FRMPD2: variants seen among roughly 807,000 people sequenced by gnomAD.
FRMPD2 encodes FERM and PDZ domain containing 2, also known as FERM and PDZ domain-containing protein 2.
FRMPD2 carries 96 observed loss-of-function variants against 140.1 expected under a neutral mutation model. That is an observed-to-expected ratio of 0.69 (90% CI 0.58 to 0.81). The LOEUF (loss-of-function observed/expected upper bound fraction) is 0.81. Among genes scored for constraint, FRMPD2 ranks in the 40% least tolerant of loss-of-function variants. The pLI is 0.00. For synonymous variants in FRMPD2, 449 were observed against 547.6 expected, an observed-to-expected ratio of 0.82 and a Z score of 2.52; for missense variants, 1,240 against 1,447.4, an observed-to-expected ratio of 0.86 and a Z score of 2.32.
chr10:48,224,437 T>C (rs1280215560), intron 10 of FRMPD2, among the ~76,000 whole-genome samples: 1 of 152,178 alleles, frequency 6.6e-6, no homozygotes, highest in Non-Finnish European at 1.5e-5. Context: ...CTTCTTCCAA[T>C]GCCTATGCAT....
intron 10 of FRMPD2, among the ~76,000 whole-genome samples, chr10:48,226,912 G>T (rs966103690): frequency 1.3e-5 from 2 of 152,166 alleles, no homozygotes; most frequent in African/African-American, 2.4e-5. Context: ...ATAAAGGATG[G>T]AAGTAGAAGT....
In FRMPD2 at chr10:48,197,591, G is replaced by A. The variant is rs1289279803; in HGVS notation, c.1954+3637C>T. 3.3e-5 allele frequency among the ~76,000 whole-genome samples: 5 copies of A among 152,312 alleles called. No individual in the cohort carries two copies. The East Asian group carries it at 9.6e-4, about 29-fold the overall frequency. Reference sequence around the variant, plus strand: ...ATTCAGATGGTCTGGAGTGGGGACTGAGATTCTGCATCCTTTGCAAGCTCC... The same window carrying A: ...ATTCAGATGGTCTGGAGTGGGGACTAAGATTCTGCATCCTTTGCAAGCTCC... On this transcript the variant is annotated intron_variant, in intron 15 of 28. Coordinates refer to ENST00000374201, the MANE Select transcript of FRMPD2 (RefSeq NM_001018071.4).
At chr10:48,232,047 TCAGGTACC>T in intron 10 of FRMPD2, 60 bp downstream of exon 10, 1 of 1,441,046 alleles carries the variant, frequency 6.9e-7, no homozygotes, top group Non-Finnish European at 9.8e-7. Flanking sequence ...GAAACAGAGC[TCAGGTACC>T]CAGATACCTG....
In FRMPD2 at chr10:48,272,765, C is replaced by T. The variant is rs943385830; in HGVS notation, c.25+1778G>A. Among the ~76,000 whole-genome samples, 8 of 152,282 alleles carry T rather than the reference C, an allele frequency of 5.3e-5. No individual in the cohort carries two copies. The East Asian group carries it at 1.5e-3, about 29-fold the overall frequency. ...CATAGTTGTTACATTGTGAATAACA[C>T]AAAAATTGGGAAAACACTCTTCCAA... On this transcript the variant is annotated intron_variant, in intron 1 of 28. Coordinates refer to ENST00000374201, the MANE Select transcript of FRMPD2 (RefSeq NM_001018071.4).
intron 3 of FRMPD2, among the ~76,000 whole-genome samples, 158 bp from the exon 4 acceptor site, chr10:48,245,007 G>C (rs1370888399): frequency 1.3e-5 from 2 of 152,212 alleles, no homozygotes; most frequent in Middle Eastern, 3.4e-3. Context: ...CTCCTACTCC[G>C]GAGGCTAGAA....
At chr10:48,186,566 C>T (rs1838691259) in intron 17 of FRMPD2, among the ~76,000 whole-genome samples, 1 of 152,186 alleles carries the variant, frequency 6.6e-6, no homozygotes, top group South Asian at 2.1e-4. Context: ...TTTTCTCTTG[C>T]TGCCATCATG....
chr10:48,205,185 C>T (rs367778669), intron 14 of FRMPD2, among the ~76,000 whole-genome samples: 5 of 152,156 alleles, frequency 3.3e-5, no homozygotes, highest in Non-Finnish European at 7.4e-5. Flanking sequence ...CTTCATCTGA[C>T]GACTGTTCCT....
intron 5 of FRMPD2, among the ~76,000 whole-genome samples, chr10:48,240,737 T>C (rs1840087457): frequency 6.6e-6 from 1 of 152,104 alleles, no homozygotes; most frequent in African/African-American, 2.4e-5. Context: ...GCTCATGCAT[T>C]CCCTCCATGG....
intron 11 of FRMPD2, 132 bp from the exon 12 acceptor site, chr10:48,222,583 G>T: frequency 1.1e-6 from 1 of 908,458 alleles, no homozygotes; most frequent in Non-Finnish European, 1.7e-6. Context: ...GAATTCAGAG[G>T]CAATGCCAGC....
intron 1 of FRMPD2, among the ~76,000 whole-genome samples, chr10:48,273,881 G>C (rs1840810830): frequency 1.4e-5 from 2 of 147,904 alleles, no homozygotes; most frequent in Admixed American, 7.0e-5. Context: ...CTCAATTGTT[G>C]CTTTAAAAAA....
In FRMPD2 at chr10:48,192,813, A is replaced by G; in HGVS notation, c.2036T>C (p.Leu679Ser). 6.2e-7 allele frequency: 1 copy of G among 1,614,122 alleles called. No homozygotes were observed. The highest frequency in any genetic ancestry group is 8.5e-7 in the Non-Finnish European group (1 of 1,180,010). ...RSKPLIWIQR[L>S]SCSENELFVS... ...AAACAACTCGTTTTCTGAGCATGAC[A>G]ATCTCTGAATCCAAATGAGAGGCTT... is the stretch of plus-strand genomic sequence containing the variant. The change falls in exon 16 of 29, where the codon TTG becomes TCG. Residue 679 changes from leucine to serine, a missense_variant. Around this residue, in one of 6 missense-constraint regions of FRMPD2, gnomAD observed 1,161 missense variants for 1,055.9 expected, o/e 1.10. Coordinates refer to ENST00000374201, the MANE Select transcript of FRMPD2 (RefSeq NM_001018071.4).
intron 1 of FRMPD2, among the ~76,000 whole-genome samples, chr10:48,270,696 T>TC (rs891705931): frequency 2.0e-5 from 3 of 151,076 alleles, no homozygotes; most frequent in African/African-American, 7.3e-5. Flanking sequence ...GAATTCACCT[T>TC]CCCCCCACCT....
chr10:48,198,628 G>C (rs757150835), intron 15 of FRMPD2, among the ~76,000 whole-genome samples: 22 of 152,276 alleles, frequency 1.4e-4, no homozygotes, highest in Non-Finnish European at 2.9e-4. Flanking sequence ...GACATTGGTA[G>C]TTTGATAGGA....
intron 10 of FRMPD2, among the ~76,000 whole-genome samples, chr10:48,231,471 C>A (rs1028733617): frequency 2.0e-5 from 3 of 152,232 alleles, no homozygotes; most frequent in Admixed American, 6.5e-5. Context: ...GAAATAAGCC[C>A]TTGGAACCAA....
intron 1 of FRMPD2, among the ~76,000 whole-genome samples, chr10:48,272,264 C>T (rs1840782761): frequency 6.6e-6 from 1 of 152,196 alleles, no homozygotes; most frequent in South Asian, 2.1e-4. Context: ...TATTCTGCTC[C>T]TTAAACCTTT....
Position 48,251,585 on chromosome 10 carries a change from G to A in FRMPD2, c.132C>T (p.Leu44=), listed in dbSNP as rs1455135235. Residue 44 remains leucine (L), a synonymous_variant, in exon 2 of 29, where the codon CTC becomes CTT. Coordinates refer to ENST00000374201, the MANE Select transcript of FRMPD2 (RefSeq NM_001018071.4). ...TCTTACCGTTGCGGAGGTCTTCCAG[G>A]AGCTGCTCAGCGGCCAGGAACAGGA... ...WSLLFLAAEQ[L]LEDLRNDSSD... is the part of the protein sequence containing the mutation. 6.2e-7 allele frequency: 1 copy of A among 1,614,214 alleles called. No homozygotes were observed. The highest frequency in any genetic ancestry group is 8.5e-7 in the Non-Finnish European group (1 of 1,180,038).
At chr10:48,241,233 A>C (rs972324462) in intron 5 of FRMPD2, among the ~76,000 whole-genome samples, 1 of 152,054 alleles carries the variant, frequency 6.6e-6, no homozygotes, top group Admixed American at 6.5e-5. Flanking sequence ...GCCGCTGTCC[A>C]CCCTGCTGTC....
intron 1 of FRMPD2, among the ~76,000 whole-genome samples, chr10:48,260,237 A>G (rs1472378630): frequency 3.9e-5 from 6 of 152,146 alleles, no homozygotes; most frequent in African/African-American, 1.2e-4. Context: ...ATATAGATAG[A>G]TATCTTATAT....
intron 20 of FRMPD2, among the ~76,000 whole-genome samples, chr10:48,182,660 G>T (rs1409830436): frequency 6.6e-6 from 1 of 152,102 alleles, no homozygotes; most frequent in East Asian, 1.9e-4. Flanking sequence ...GGGTGCCACA[G>T]TGAAAGGACA....
Sources: gnomAD v4.1 joint callset for allele counts (sites outside exome capture counted in the v4.1 genomes callset) on GRCh38, gnomAD v4.1.1 for gene constraint, gnomAD v4.1.1 regional missense constraint, MANE v1.5 for transcripts, NCBI Gene and HGNC (gene_info 2026-07-23, HGNC 2026-07-21) for gene names.